The following ABLIM3 variants were observed in gnomAD, a reference collection of about 807,000 sequenced individuals.
ABLIM3 encodes the protein actin binding LIM protein family member 3.
In ABLIM3, 61 loss-of-function variants were observed where a neutral mutation model predicts 109.5. The ratio of observed to expected loss-of-function variants is 0.56; its 90% CI spans 0.45 to 0.69. The LOEUF is 0.69. Ranked by LOEUF, ABLIM3 falls within the 30% of genes least tolerant of loss-of-function variation. ABLIM3 has a pLI of 0.00. For synonymous variants in ABLIM3, 300 were observed against 324.8 expected (o/e 0.92, Z 0.82); for missense variants, 796 against 889.5 (o/e 0.89, Z 1.34).
intron 2 of ABLIM3, among the ~76,000 whole-genome samples, chr5:149,157,816 C>T (rs760913658): frequency 5.9e-5 from 9 of 152,104 alleles, no homozygotes; most frequent in Non-Finnish European, 1.3e-4. Flanking sequence ...TCCAGCCATA[C>T]CTGAAGGCAG....
intron 8 of ABLIM3, among the ~76,000 whole-genome samples, chr5:149,229,269 A>T (rs533548623): frequency 2.6e-5 from 4 of 152,358 alleles, no homozygotes; most frequent in African/African-American, 9.6e-5. Context: ...TTTAGAAAGA[A>T]TTAAACCCAG....
At chr5:149,217,244 G>A (rs1760190188) in intron 8 of ABLIM3, 198 bp downstream of exon 8, 1 of 607,648 alleles carries the variant, frequency 1.6e-6, no homozygotes, top group South Asian at 1.9e-5. Flanking sequence ...GAAGTGACAT[G>A]TAATCTGCCT....
At chr5:149,246,595 T>C in intron 17 of ABLIM3, 49 bp downstream of exon 17, 1 of 1,565,866 alleles carries the variant, frequency 6.4e-7, no homozygotes, top group Non-Finnish European at 8.7e-7. Context: ...CGTATATCAC[T>C]GAGGGTCTTT....
At chr5:149,247,714 C>T in intron 17 of ABLIM3, 68 bp from the exon 18 acceptor site, 3 of 1,606,298 alleles carry the variant, frequency 1.9e-6, no homozygotes, top group Non-Finnish European at 2.6e-6. Flanking sequence ...CAGCCTTGCC[C>T]AAGCCCGTTC....
chr5:149,218,150 T>C (rs942579551), intron 8 of ABLIM3: 2 of 152,300 alleles, frequency 1.3e-5, no homozygotes, highest in Non-Finnish European at 1.5e-5. Context: ...CAGACTGAGA[T>C]ACAGACAGGG....
chr5:149,174,910 T>TGA (rs1239572079), intron 2 of ABLIM3, among the ~76,000 whole-genome samples: 4 of 152,246 alleles, frequency 2.6e-5, no homozygotes, highest in African/African-American at 9.6e-5. Context: ...GAGCATTAAA[T>TGA]GAGAGGATGC....
At chr5:149,184,048 G>T (rs1443492757) in intron 3 of ABLIM3, among the ~76,000 whole-genome samples, 3 of 151,066 alleles carry the variant, frequency 2.0e-5, no homozygotes, top group Admixed American at 2.0e-4. Flanking sequence ...CAAGGGAGAA[G>T]AGACATCTTG....
At chr5:149,171,706 A>C (rs1755451910) in intron 2 of ABLIM3, among the ~76,000 whole-genome samples, 1 of 152,220 alleles carries the variant, frequency 6.6e-6, no homozygotes, top group Admixed American at 6.5e-5. Context: ...TCCTGTAGTG[A>C]GGATAAATCT....
intron 8 of ABLIM3, among the ~76,000 whole-genome samples, chr5:149,222,211 C>T (rs73268091): frequency 0.054 from 8,204 of 151,740 alleles, 687 homozygotes; most frequent in African/African-American, 0.19. Flanking sequence ...GTGCCAAGTA[C>T]TGTACTAAGA....
At chr5:149,249,690 G>A (rs1581242960) in intron 18 of ABLIM3, 125 bp from the exon 19 acceptor site, 1 of 1,033,106 alleles carries the variant, frequency 9.7e-7, no homozygotes, top group Non-Finnish European at 1.5e-6. Flanking sequence ...GGCTGCAGGA[G>A]GCCCCTTTTC....
intron 3 of ABLIM3, among the ~76,000 whole-genome samples, chr5:149,187,087 A>G (rs933067857): frequency 5.9e-5 from 9 of 152,326 alleles, no homozygotes; most frequent in Admixed American, 1.3e-4. Context: ...AAGCTAATAT[A>G]TGGAGAATAT....
intron 8 of ABLIM3, among the ~76,000 whole-genome samples, chr5:149,222,406 C>G (rs909354753): frequency 1.3e-5 from 2 of 152,082 alleles, no homozygotes; most frequent in East Asian, 3.8e-4. Context: ...AATTCTTAAA[C>G]TGGTTCATGG....
At chr5:149,252,602 C>T in intron 22 of ABLIM3, 155 bp from the exon 23 acceptor site, 1 of 649,736 alleles carries the variant, frequency 1.5e-6, no homozygotes, top group South Asian at 1.9e-5. Flanking sequence ...CTTAAGACTG[C>T]TGGGCAACCC....
At chr5:149,151,342 A>G (rs1753412530) in intron 2 of ABLIM3, among the ~76,000 whole-genome samples, 1 of 152,200 alleles carries the variant, frequency 6.6e-6, no homozygotes. Context: ...TAAAGACTCT[A>G]TTGCCAAATA....
intron 2 of ABLIM3, among the ~76,000 whole-genome samples, chr5:149,175,626 C>A (rs1043841435): frequency 6.6e-6 from 1 of 152,044 alleles, no homozygotes; most frequent in Non-Finnish European, 1.5e-5. Context: ...GAGGGGCGGG[C>A]AATCCGGCAG....
At chr5:149,184,766 C>T (rs1468197377) in intron 3 of ABLIM3, among the ~76,000 whole-genome samples, 1 of 152,176 alleles carries the variant, frequency 6.6e-6, no homozygotes, top group Non-Finnish European at 1.5e-5. Context: ...ATTTCAGTAA[C>T]TGCCTCAGTC....
intron 2 of ABLIM3, 110 bp downstream of exon 2, chr5:149,142,218 C>T: frequency 6.7e-7 from 1 of 1,486,780 alleles, no homozygotes; most frequent in Non-Finnish European, 9.4e-7. Context: ...CATCTCTGGA[C>T]ACATGACCCC....
intron 21 of ABLIM3, 66 bp downstream of exon 21, chr5:149,251,485 C>A: frequency 6.4e-7 from 1 of 1,565,174 alleles, no homozygotes; most frequent in Non-Finnish European, 8.7e-7. Flanking sequence ...AAAACTGCAG[C>A]TTGACCTTCG....
At chr5:149,164,012 C>G (rs1309450478) in intron 2 of ABLIM3, 2 of 152,170 alleles carry the variant, frequency 1.3e-5, no homozygotes, top group Non-Finnish European at 2.9e-5. Flanking sequence ...TTTAGATAGT[C>G]TTTAATATTT....
Sources: allele counts gnomAD v4.1 joint callset (sites outside exome capture counted in the v4.1 genomes callset), GRCh38; gene constraint gnomAD v4.1.1; transcripts MANE v1.5; gene names NCBI Gene and HGNC (gene_info 2026-07-23, HGNC 2026-07-21).